Variants in CSMD1 observed in about 807,000 individuals in gnomAD.
CSMD1 encodes CUB and sushi domain-containing protein 1.
Under a neutral mutation model 417.5 loss-of-function variants are expected in CSMD1, and 213 were observed. The ratio of observed to expected loss-of-function variants is 0.51; its 90% CI spans 0.46 to 0.57. The LOEUF (loss-of-function observed/expected upper bound fraction) is 0.57. Among genes scored for constraint, CSMD1 ranks in the 20% least tolerant of loss-of-function variants. CSMD1 has a pLI of 0.00. For missense variants in CSMD1, 6,923 were observed against 4,529.7 expected (o/e 1.53, Z -15.17); for synonymous variants, 2,862 against 1,736.8 (o/e 1.65, Z -16.11).
chr8:3,448,944 T>C (rs372963068), intron 12 of CSMD1, among the ~76,000 whole-genome samples: 68 of 152,216 alleles, frequency 4.5e-4, no homozygotes, highest in African/African-American at 1.6e-3. Context: ...AGAGTAAATG[T>C]AGGAAAGAAG....
At chr8:3,961,810 T>C (rs977560365) in intron 5 of CSMD1, among the ~76,000 whole-genome samples, 3 of 152,156 alleles carry the variant, frequency 2.0e-5, no homozygotes, top group Non-Finnish European at 2.9e-5. Context: ...TATTTCCCGC[T>C]AGAAATGCTA....
At chr8:3,869,273 T>A (rs1178792348) in intron 5 of CSMD1, among the ~76,000 whole-genome samples, 1 of 152,176 alleles carries the variant, frequency 6.6e-6, no homozygotes. Context: ...CTTTCTCAAA[T>A]TGTGACACAC....
chr8:4,100,595 G>A (rs996754170), intron 3 of CSMD1, among the ~76,000 whole-genome samples: 10 of 152,102 alleles, frequency 6.6e-5, no homozygotes, highest in Non-Finnish European at 1.3e-4. Flanking sequence ...GGTGGTAAGA[G>A]CTCAAAATAT....
chr8:3,797,362 C>T (rs896695784), intron 5 of CSMD1, among the ~76,000 whole-genome samples: 2 of 151,874 alleles, frequency 1.3e-5, no homozygotes, highest in African/African-American at 4.8e-5. Flanking sequence ...AAGTAGAGCC[C>T]ACACCCCGGA....
chr8:4,751,479 G>A (rs902647973), intron 1 of CSMD1, among the ~76,000 whole-genome samples: 16 of 152,110 alleles, frequency 1.1e-4, no homozygotes, highest in Non-Finnish European at 1.0e-4. Context: ...AGCATAAAAA[G>A]TGTCCTGGAT....
At chr8:3,458,431 T>C (rs140737638) in intron 12 of CSMD1, among the ~76,000 whole-genome samples, 114 of 152,344 alleles carry the variant, frequency 7.5e-4, no homozygotes, top group African/African-American at 2.6e-3. Context: ...CTGATATTTT[T>C]CTTAAAGTTA....
intron 3 of CSMD1, among the ~76,000 whole-genome samples, chr8:4,112,340 G>C (rs1285980974): frequency 6.6e-6 from 1 of 152,198 alleles, no homozygotes; most frequent in Admixed American, 6.5e-5. Context: ...ACACAGGCCT[G>C]TGATGAGGCT....
chr8:4,976,827 T>C (rs1378586863), intron 1 of CSMD1, among the ~76,000 whole-genome samples: 7 of 152,170 alleles, frequency 4.6e-5, no homozygotes, highest in Non-Finnish European at 1.0e-4. Flanking sequence ...TAAATATTCA[T>C]TTAAGTAAGT....
intron 1 of CSMD1, among the ~76,000 whole-genome samples, chr8:4,918,071 T>G (rs1806189419): frequency 7.0e-6 from 1 of 142,716 alleles, no homozygotes; most frequent in African/African-American, 2.7e-5. Context: ...ATTTCTCTGA[T>G]TATGAGTTAG....
intron 2 of CSMD1, among the ~76,000 whole-genome samples, chr8:4,625,783 G>C (rs992244313): frequency 2.0e-5 from 3 of 152,106 alleles, no homozygotes; most frequent in East Asian, 1.9e-4. Context: ...GAGTGCCGTG[G>C]TATGATCTCA....
chr8:4,961,212 C>G (rs1332784017), intron 1 of CSMD1, among the ~76,000 whole-genome samples: 3 of 152,148 alleles, frequency 2.0e-5, no homozygotes. Flanking sequence ...TTCTGTGTAA[C>G]TAGTGATATT....
intron 2 of CSMD1, among the ~76,000 whole-genome samples, chr8:4,503,199 T>C (rs1389606852): frequency 6.6e-6 from 1 of 152,178 alleles, no homozygotes; most frequent in Non-Finnish European, 1.5e-5. Context: ...GCCAGGTAAT[T>C]CCTCTTGTAC....
chr8:4,436,383 G>A (rs921141100), intron 2 of CSMD1, among the ~76,000 whole-genome samples: 4 of 151,998 alleles, frequency 2.6e-5, no homozygotes, highest in Admixed American at 1.3e-4. Flanking sequence ...CATCAAACGT[G>A]CTTAAGTCTG....
intron 41 of CSMD1, among the ~76,000 whole-genome samples, chr8:3,141,931 G>A (rs773357864): frequency 7.6e-4 from 115 of 151,840 alleles, no homozygotes; most frequent in Non-Finnish European, 5.3e-4. Flanking sequence ...CCGAGTAGCT[G>A]GGACTACAGG....
intron 2 of CSMD1, among the ~76,000 whole-genome samples, chr8:4,421,723 C>T (rs1328204982): frequency 1.3e-5 from 2 of 151,664 alleles, no homozygotes; most frequent in Non-Finnish European, 2.9e-5. Flanking sequence ...AAAAACACAG[C>T]TTAGAAAAAC....
intron 1 of CSMD1, among the ~76,000 whole-genome samples, chr8:4,890,323 C>T (rs1226662470): frequency 6.6e-6 from 1 of 152,108 alleles, no homozygotes; most frequent in Non-Finnish European, 1.5e-5. Flanking sequence ...AGAGAACCTC[C>T]AGGTTCCTAT....
intron 2 of CSMD1, among the ~76,000 whole-genome samples, chr8:4,604,240 T>C (rs1800746981): frequency 6.6e-6 from 1 of 152,058 alleles, no homozygotes; most frequent in Non-Finnish European, 1.5e-5. Flanking sequence ...GATTGACTAC[T>C]ACCTTTTTCA....
At chr8:2,944,035 G>T (rs979000574) in intron 68 of CSMD1, among the ~76,000 whole-genome samples, 3 of 152,148 alleles carry the variant, frequency 2.0e-5, no homozygotes, top group African/African-American at 7.2e-5. Context: ...TTCAATAGAT[G>T]TAGGATTATG....
chr8:2,955,156 G>A (rs1172202706), intron 64 of CSMD1, among the ~76,000 whole-genome samples: 1 of 152,166 alleles, frequency 6.6e-6, no homozygotes, highest in Non-Finnish European at 1.5e-5. Flanking sequence ...ACCACAAACA[G>A]CATGTGGTCT....
Sources: gnomAD v4.1 joint callset for allele counts (sites outside exome capture counted in the v4.1 genomes callset) on GRCh38, gnomAD v4.1.1 for gene constraint, MANE v1.5 for transcripts, NCBI Gene and HGNC (gene_info 2026-07-23, HGNC 2026-07-21) for gene names.